Variants in DSG3 observed in about 807,000 individuals in gnomAD.
DSG3 encodes desmoglein-3.
A neutral mutation model predicts 85.9 loss-of-function variants in DSG3; 63 were observed. The observed-to-expected ratio is 0.73, with a 90% confidence interval of 0.60 to 0.90. The LOEUF (loss-of-function observed/expected upper bound fraction) is 0.90, where lower values mean the gene tolerates loss of function less well. Among genes scored for constraint, DSG3 ranks in the 40% least tolerant of loss-of-function variants. The pLI is 0.00. For missense variants in DSG3, 1,220 were observed against 1,219.9 expected (o/e 1.00, Z 0.00); for synonymous variants, 447 against 441.9 (o/e 1.01, Z -0.14).
At chr18:31,456,344 A>G in intron 1 of DSG3, 96 bp from the exon 2 acceptor site, 1 of 836,142 alleles carries the variant, frequency 1.2e-6, no homozygotes, top group Non-Finnish European at 1.7e-6. Flanking sequence ...AAATCACAAT[A>G]TGAACAATAG....
At chr18:31,457,230 A>C in intron 3 of DSG3, 106 bp downstream of exon 3, 1 of 1,142,174 alleles carries the variant, frequency 8.8e-7, no homozygotes, top group Non-Finnish European at 1.2e-6. Flanking sequence ...TGGGGAGTCC[A>C]CAGAACAAGT....
chr18:31,447,752 T>A lies in DSG3; in HGVS notation c.-126T>A. The A allele has an allele frequency of 1.5e-6, 1 of 678,870 alleles. No individual in the cohort carries two copies. The highest frequency in any genetic ancestry group is 2.6e-5 in the South Asian group (1 of 38,948). 42.1% of individuals were successfully genotyped at this position (678,870 alleles called of 1,614,324 possible). On this transcript the variant is annotated 5_prime_UTR_variant, in exon 1 of 16. Transcript: ENST00000257189. The stretch of plus-strand genomic sequence containing the variant: ...TGGGGAGGGACCGCATAACAGACCA[T>A]CTGTAGACTCCTTCGGAAAGCAGCA...
intron 1 of DSG3, among the ~76,000 whole-genome samples, chr18:31,451,330 G>A (rs192038045): frequency 1.6e-3 from 239 of 152,228 alleles, no homozygotes; most frequent in African/African-American, 5.3e-3. Flanking sequence ...ATTAGGTAAA[G>A]CTTTCCTCAC....
rs1240119268 is a variant in DSG3 at position 31,472,297 on chromosome 18, G to A, written c.1911G>A (p.Leu637=). ...GTTTTTCACTAGTGGCCCCCCTTCT[G>A]CTGTTGACCTGTGACTGTGGGGCAG... ...GLLLLLLAPL[L]LLTCDCGAGS... Residue 637 remains leucine (L), a synonymous_variant, in exon 13 of 16, where the codon CTG becomes CTA. Coordinates refer to ENST00000257189, the MANE Select transcript of DSG3 (RefSeq NM_001944.3). The A allele has an allele frequency of 6.2e-7, 1 of 1,613,988 alleles. No homozygotes were observed. Among genetic ancestry groups the A allele is most frequent in the Non-Finnish European group, 8.5e-7 (1 of 1,179,916 alleles).
At chr18:31,468,868 G>C (rs371947248) in intron 11 of DSG3, among the ~76,000 whole-genome samples, 1 of 152,130 alleles carries the variant, frequency 6.6e-6, no homozygotes, top group East Asian at 1.9e-4. Flanking sequence ...GTGCTCTCAT[G>C]CTCTCTTGTC....
At position 31,457,143 on chromosome 18, in the gene DSG3, A is replaced by G. The variant is rs1788110410; in HGVS notation, c.216+19A>G. On this transcript the variant is annotated intron_variant, in intron 3 of 15. Coordinates refer to ENST00000257189, the MANE Select transcript of DSG3 (RefSeq NM_001944.3). ...TGCCAAGGTAAGTTATATCAACAGG[A>G]GCGTATGAGTTTTTAGAATAAATGT... The G allele has an allele frequency of 6.3e-7, 1 of 1,595,970 alleles. No homozygotes were observed. Among genetic ancestry groups the G allele is most frequent in the South Asian group, 1.1e-5 (1 of 87,056 alleles).
chr18:31,457,582 TTTC>T (rs200306509), intron 3 of DSG3, among the ~76,000 whole-genome samples: 3,365 of 30,120 alleles, frequency 0.11, 60 homozygotes, highest in African/African-American at 0.21. Context: ...TCTTTCTTTC[TTTC>T]TTCTTTCTTT....
chr18:31,465,906 C>G (rs1340711857), intron 10 of DSG3, among the ~76,000 whole-genome samples: 4 of 151,838 alleles, frequency 2.6e-5, no homozygotes, highest in Admixed American at 2.0e-4. Flanking sequence ...ATGTGTTTCC[C>G]CAAGTATAAA....
chr18:31,448,560 G>A (rs1053112883), intron 1 of DSG3, among the ~76,000 whole-genome samples: 12 of 150,868 alleles, frequency 8.0e-5, no homozygotes, highest in African/African-American at 2.2e-4. Context: ...TGAGAAAGTC[G>A]TACATAGTAT....
intron 10 of DSG3, 71 bp downstream of exon 10, chr18:31,465,528 A>T (rs1047680711): frequency 3.0e-5 from 38 of 1,258,534 alleles, no homozygotes; most frequent in Non-Finnish European, 3.8e-5. Context: ...ATAGATGATT[A>T]TGATTATTCA....
rs1299294712 is a variant in DSG3, at chr18:31,475,605, T to C, written c.2386-41T>C. 1.9e-6 allele frequency: 3 copies of C among 1,590,112 alleles called. No homozygotes were observed. The African/African-American group carries it at 4.1e-5, about 22-fold the overall frequency. Reference sequence around the variant, plus strand: ...CAGTATTATATTGTTCAACTGACTCTTTCTTAAAATTCATTTTTTCCCACT... The same window carrying C: ...CAGTATTATATTGTTCAACTGACTCCTTCTTAAAATTCATTTTTTCCCACT... On this transcript the variant is annotated intron_variant, in intron 15 of 15. Coordinates refer to ENST00000257189, the MANE Select transcript of DSG3 (RefSeq NM_001944.3).
Position 31,464,295 on chromosome 18 carries a change from G to A in DSG3, c.1184G>A (p.Gly395Asp). The change falls in exon 9 of 16, where the codon GGC becomes GAC. Residue 395 changes from glycine (G) to aspartate (D), a missense_variant. Physicochemically the swap from Gly to Asp is moderately conservative, Grantham distance 94. Coordinates refer to ENST00000257189, the MANE Select transcript of DSG3 (RefSeq NM_001944.3). ...PASKTFTVQKGISSKKLVDYI... is the reference protein window; with the variant it reads ...PASKTFTVQKDISSKKLVDYI... ...TCCAAGACATTTACTGTGCAAAAAGGCATAAGTAGCAAAAAATTGGTGGAT... is the reference window on the plus strand; with the variant it reads ...TCCAAGACATTTACTGTGCAAAAAGACATAAGTAGCAAAAAATTGGTGGAT... 1.2e-6 allele frequency: 2 copies of A among 1,614,094 alleles called. No homozygotes were observed. The highest frequency in any genetic ancestry group is 1.7e-6 in the Non-Finnish European group (2 of 1,180,006).
intron 1 of DSG3, among the ~76,000 whole-genome samples, chr18:31,450,287 T>C (rs552245752): frequency 1.3e-5 from 2 of 152,216 alleles, no homozygotes; most frequent in East Asian, 3.9e-4. Flanking sequence ...AAGAGTATAA[T>C]CAAAGGCAGG....
At chr18:31,463,960 T>A in intron 8 of DSG3, 151 bp from the exon 9 acceptor site, 3 of 765,826 alleles carry the variant, frequency 3.9e-6, no homozygotes, top group Non-Finnish European at 4.1e-6. Flanking sequence ...GCTTTCTCTG[T>A]CTCAACATTA....
In DSG3 at chr18:31,455,680, G is replaced by A. The variant is rs187039320; in HGVS notation, c.49-760G>A. 3.0e-3 allele frequency among the ~76,000 whole-genome samples: 454 copies of A among 152,284 alleles called. 4 individuals are homozygous for A. The highest frequency in any genetic ancestry group is 9.9e-3 in the African/African-American group (411 of 41,548). ...GTAATGCATGCCAGGCAGAACAGAA[G>A]ATGAAAAATGACACAGATGAATGTC... On this transcript the variant is annotated intron_variant, in intron 1 of 15. Coordinates refer to ENST00000257189, the MANE Select transcript of DSG3 (RefSeq NM_001944.3).
At chr18:31,449,680 C>T (rs1449933738) in intron 1 of DSG3, among the ~76,000 whole-genome samples, 3 of 152,126 alleles carry the variant, frequency 2.0e-5, no homozygotes, top group African/African-American at 4.8e-5. Flanking sequence ...CGCACAATGT[C>T]CCTATAATTC....
chr18:31,465,604 A>G (rs1400157105), intron 10 of DSG3, 147 bp downstream of exon 10: 3 of 738,100 alleles, frequency 4.1e-6, no homozygotes, highest in Non-Finnish European at 5.6e-6. Flanking sequence ...AGTTTGAGGC[A>G]GCTGAATCCG....
chr18:31,465,503 G>C, intron 10 of DSG3, 46 bp downstream of exon 10: 1 of 1,357,758 alleles, frequency 7.4e-7, no homozygotes, highest in Non-Finnish European at 9.6e-7. Flanking sequence ...TATCGTAATT[G>C]ATGTTTCTTT....
At chr18:31,449,606 T>C (rs567518941) in intron 1 of DSG3, among the ~76,000 whole-genome samples, 82 of 152,206 alleles carry the variant, frequency 5.4e-4, no homozygotes, top group Non-Finnish European at 1.0e-3. Flanking sequence ...AGAGTGGACA[T>C]GCAATTGTTT....
Sources: allele counts gnomAD v4.1 joint callset (sites outside exome capture counted in the v4.1 genomes callset), GRCh38; gene constraint gnomAD v4.1.1; transcripts MANE v1.5; gene names NCBI Gene and HGNC (gene_info 2026-07-23, HGNC 2026-07-21).